Variants in CSMD1 observed in about 807,000 individuals in gnomAD.
CSMD1 encodes CUB and sushi domain-containing protein 1.
Under a neutral mutation model 417.5 loss-of-function variants are expected in CSMD1, and 213 were observed. The ratio of observed to expected loss-of-function variants is 0.51; its 90% CI spans 0.46 to 0.57. The LOEUF is 0.57. Ranked by LOEUF, CSMD1 falls within the 20% of genes least tolerant of loss-of-function variation. The pLI is 0.00. For missense variants in CSMD1, 6,923 were observed against 4,529.7 expected (o/e 1.53, Z -15.17); for synonymous variants, 2,862 against 1,736.8 (o/e 1.65, Z -16.11).
chr8:3,666,415 T>G (rs1049412940), intron 7 of CSMD1, among the ~76,000 whole-genome samples: 1 of 152,244 alleles, frequency 6.6e-6, no homozygotes, highest in Admixed American at 6.5e-5. Context: ...TATCTGATTT[T>G]AATGTATACT....
intron 5 of CSMD1, among the ~76,000 whole-genome samples, chr8:3,970,688 A>G (rs561993588): frequency 2.6e-5 from 4 of 152,252 alleles, no homozygotes; most frequent in East Asian, 3.9e-4. Context: ...AATAAAATGT[A>G]TATTTATATG....
intron 5 of CSMD1, among the ~76,000 whole-genome samples, chr8:3,850,683 C>G (rs933427296): frequency 2.0e-5 from 3 of 151,632 alleles, no homozygotes; most frequent in South Asian, 2.1e-4. Context: ...TGACAGAGTG[C>G]GACTCTGTCT....
intron 26 of CSMD1, among the ~76,000 whole-genome samples, chr8:3,243,311 G>A (rs1055255238): frequency 1.3e-5 from 2 of 152,168 alleles, no homozygotes; most frequent in Admixed American, 1.3e-4. Context: ...CCGAGTCACA[G>A]CACCACATTT....
At chr8:4,073,891 C>A (rs1219259009) in intron 3 of CSMD1, among the ~76,000 whole-genome samples, 1 of 152,022 alleles carries the variant, frequency 6.6e-6, no homozygotes, top group Admixed American at 6.6e-5. Flanking sequence ...TAGTCTACAG[C>A]TATACAAATA....
At chr8:3,410,102 T>A (rs547985534) in intron 12 of CSMD1, among the ~76,000 whole-genome samples, 16 of 152,340 alleles carry the variant, frequency 1.1e-4, no homozygotes, top group African/African-American at 3.1e-4. Context: ...AACAGTTTGG[T>A]CTACAGAGGA....
chr8:4,165,213 C>G (rs982435067), intron 3 of CSMD1, among the ~76,000 whole-genome samples: 1 of 152,186 alleles, frequency 6.6e-6, no homozygotes, highest in Admixed American at 6.5e-5. Context: ...GAGCTACACA[C>G]CCTCCAGGTG....
intron 1 of CSMD1, among the ~76,000 whole-genome samples, chr8:4,854,423 A>T (rs1801670121): frequency 6.6e-6 from 1 of 152,164 alleles, no homozygotes; most frequent in Non-Finnish European, 1.5e-5. Flanking sequence ...AGATGGCCGA[A>T]TAGGAACAGC....
At chr8:3,590,623 G>A (rs1445647945) in intron 8 of CSMD1, among the ~76,000 whole-genome samples, 1 of 151,926 alleles carries the variant, frequency 6.6e-6, no homozygotes, top group African/African-American at 2.4e-5. Flanking sequence ...GCAAATTATC[G>A]GAAAAAGCCA....
At chr8:4,508,835 GT>G (rs397942262) in intron 2 of CSMD1, among the ~76,000 whole-genome samples, 101 of 151,372 alleles carry the variant, frequency 6.7e-4, no homozygotes, top group African/African-American at 2.2e-3. Context: ...AATTTTAGTG[GT>G]TTTTTTTTGG....
At chr8:4,314,298 AAAG>A (rs1798800048) in intron 3 of CSMD1, among the ~76,000 whole-genome samples, 1 of 152,322 alleles carries the variant, frequency 6.6e-6, no homozygotes, top group African/African-American at 2.4e-5. Flanking sequence ...ACATAGGATT[AAAG>A]AAGAAGAAAA....
At chr8:4,764,881 A>ACAAACAAACAAAC (rs1563326743) in intron 1 of CSMD1, among the ~76,000 whole-genome samples, 1 of 48,020 alleles carries the variant, frequency 2.1e-5, no homozygotes, top group African/African-American at 1.0e-4. Flanking sequence ...TCAAAAAAAA[A>ACAAACAAACAAAC]AAAAAAAAAA....
chr8:4,427,308 C>A lies in CSMD1; in HGVS notation c.303-7243G>T, dbSNP rs184159791. On this transcript the variant is annotated intron_variant, in intron 2 of 69. Coordinates refer to ENST00000635120, the MANE Select transcript of CSMD1 (RefSeq NM_033225.6). ...GGTGAGCAGGTCTTGGTACTGTTGA[C>A]AAAATACTGGATGCAGTGAGTTACA... Among the ~76,000 whole-genome samples, 330 of 152,204 alleles carry A rather than the reference C, an allele frequency of 2.2e-3. 10 individuals are homozygous for A. The highest frequency in any genetic ancestry group is 0.02 in the Admixed American group (307 of 15,266).
chr8:4,037,682 G>T (rs985174666), intron 3 of CSMD1, among the ~76,000 whole-genome samples: 2 of 152,070 alleles, frequency 1.3e-5, no homozygotes, highest in Admixed American at 1.3e-4. Flanking sequence ...ATTTTAAAGG[G>T]GAAGGTGTGA....
At chr8:3,091,411 T>G in intron 48 of CSMD1, 105 bp downstream of exon 48, 1 of 794,484 alleles carries the variant, frequency 1.3e-6, no homozygotes, top group Non-Finnish European at 1.8e-6. Flanking sequence ...TATTAATCTT[T>G]AAGAATTAGG....
chr8:3,555,122 C>T (rs554400836), intron 10 of CSMD1, among the ~76,000 whole-genome samples: 7 of 151,890 alleles, frequency 4.6e-5, no homozygotes, highest in East Asian at 2.0e-4. Flanking sequence ...CCCTGGCAGG[C>T]GCTATTAAAT....
chr8:3,469,434 C>T (rs78092501), intron 11 of CSMD1, among the ~76,000 whole-genome samples: 18,482 of 152,132 alleles, frequency 0.12, 1,206 homozygotes, highest in East Asian at 0.22. Flanking sequence ...ACACTCCCCC[C>T]GCATATTAAT....
intron 5 of CSMD1, among the ~76,000 whole-genome samples, chr8:3,901,780 C>G (rs937214886): frequency 7.9e-5 from 12 of 152,208 alleles, no homozygotes; most frequent in Non-Finnish European, 1.2e-4. Flanking sequence ...TTTCTGGCGT[C>G]AAAGTGTGGT....
chr8:4,194,900 G>C (rs1406325935), intron 3 of CSMD1, among the ~76,000 whole-genome samples: 1 of 152,060 alleles, frequency 6.6e-6, no homozygotes, highest in African/African-American at 2.4e-5. Flanking sequence ...AGAACTGTTA[G>C]TTCTAATTTA....
chr8:4,558,733 G>C (rs778105332), intron 2 of CSMD1, among the ~76,000 whole-genome samples: 1 of 152,096 alleles, frequency 6.6e-6, no homozygotes, highest in African/African-American at 2.4e-5. Context: ...GCCCAGCATG[G>C]TGGTGGCGCC....
Sources: allele counts gnomAD v4.1 joint callset (sites outside exome capture counted in the v4.1 genomes callset), GRCh38; gene constraint gnomAD v4.1.1; transcripts MANE v1.5; gene names NCBI Gene and HGNC (gene_info 2026-07-23, HGNC 2026-07-21).